TP63: variants seen among roughly 807,000 people sequenced by gnomAD.
TP63 encodes tumor protein p63, also known as tumor protein 63.
A neutral mutation model predicts 82.8 loss-of-function variants in TP63; 17 were observed. The observed-to-expected ratio is 0.21, with a 90% CI of 0.14 to 0.31. The LOEUF (loss-of-function observed/expected upper bound fraction) is 0.31. TP63 is among the 10% of genes least tolerant of loss of function. The pLI, the probability that TP63 is intolerant of heterozygous loss-of-function variation, is 1.00. For missense variants in TP63, 648 were observed against 895.3 expected (o/e 0.72, Z 3.52); for synonymous variants, 330 against 321.7 (o/e 1.03, Z -0.28).
At chr3:189,688,069 G>T (rs1468725516) in intron 1 of TP63, among the ~76,000 whole-genome samples, 2 of 151,856 alleles carry the variant, frequency 1.3e-5, no homozygotes, top group Non-Finnish European at 2.9e-5. Flanking sequence ...GAGAAGTGAA[G>T]CAATGGTTAT....
chr3:189,643,094 C>T (rs1435504346), intron 1 of TP63, among the ~76,000 whole-genome samples: 3 of 152,006 alleles, frequency 2.0e-5, no homozygotes, highest in Non-Finnish European at 2.9e-5. Context: ...TTCTGCCTCC[C>T]GGGTTCAGGC....
At chr3:189,840,040 T>C (rs1410218900) in intron 4 of TP63, among the ~76,000 whole-genome samples, 2 of 152,226 alleles carry the variant, frequency 1.3e-5, no homozygotes, top group Admixed American at 6.5e-5. Flanking sequence ...GATGATCATA[T>C]AAGACATAAA....
intron 7 of TP63, 89 bp from the exon 8 acceptor site, chr3:189,868,491 C>A: frequency 6.4e-7 from 1 of 1,566,724 alleles, no homozygotes; most frequent in Non-Finnish European, 8.7e-7. Context: ...TGGCGATGGC[C>A]CATATGGGAA....
intron 5 of TP63, among the ~76,000 whole-genome samples, chr3:189,865,823 C>G (rs1467974084): frequency 6.6e-6 from 1 of 152,226 alleles, no homozygotes; most frequent in African/African-American, 2.4e-5. Context: ...ATCAGCCTCC[C>G]TAACTTGGTA....
chr3:189,650,373 T>C lies in TP63; in HGVS notation c.62+18796T>C, dbSNP rs1464572798. ...GAATAAGCTTCTGTTGATTGATGAG[T>C]GATATGGTTTGGCTGTGTCCCCCGC... On this transcript the variant is annotated intron_variant, in intron 1 of 13. Transcript: ENST00000264731. 2.0e-5 allele frequency among the ~76,000 whole-genome samples: 3 copies of C among 147,048 alleles called. 1 individual carries two copies. Among genetic ancestry groups the C allele is most frequent in the African/African-American group, 7.6e-5 (3 of 39,260 alleles).
At chr3:189,655,123 T>G (rs2108642818) in intron 1 of TP63, among the ~76,000 whole-genome samples, 1 of 152,324 alleles carries the variant, frequency 6.6e-6, no homozygotes, top group South Asian at 2.1e-4. Flanking sequence ...TTGTTTATTT[T>G]TAGTCTATTG....
At chr3:189,802,663 A>G (rs1022347311) in intron 3 of TP63, among the ~76,000 whole-genome samples, 4 of 152,192 alleles carry the variant, frequency 2.6e-5, no homozygotes, top group Non-Finnish European at 4.4e-5. Context: ...CCATGTAAAG[A>G]AGTTTAAGTT....
At chr3:189,693,035 A>C (rs997832954) in intron 1 of TP63, among the ~76,000 whole-genome samples, 7 of 152,098 alleles carry the variant, frequency 4.6e-5, no homozygotes, top group Non-Finnish European at 7.4e-5. Flanking sequence ...TCAAACAAAA[A>C]TCAGTGTTTT....
intron 3 of TP63, among the ~76,000 whole-genome samples, chr3:189,758,169 G>A (rs1722322224): frequency 6.6e-6 from 1 of 152,132 alleles, no homozygotes; most frequent in Non-Finnish European, 1.5e-5. Context: ...TTCTCATAAG[G>A]AGCACACAAC....
In TP63 at chr3:189,824,634, C is replaced by G. The variant is rs1455540310; in HGVS notation, c.579+16108C>G. 2.0e-5 allele frequency among the ~76,000 whole-genome samples: 3 copies of G among 152,180 alleles called. No homozygotes were observed. In the East Asian group the frequency reaches 5.8e-4, roughly 29 times the overall value. On this transcript the variant is annotated intron_variant, in intron 4 of 13. Coordinates refer to ENST00000264731, the MANE Select transcript of TP63 (RefSeq NM_003722.5). The stretch of plus-strand genomic sequence containing the variant: ...GTGGCTGCTGTCACACGGCACTGCC[C>G]CTTTCCTTATAATACTTGATCACAG...
chr3:189,889,550 C>CTTTTA (rs1720807760), intron 12 of TP63, 66 bp downstream of exon 12: 2 of 1,605,380 alleles, frequency 1.2e-6, no homozygotes, highest in Admixed American at 3.3e-5. Context: ...AGGGCGGATA[C>CTTTTA]TGTTATAGTC....
chr3:189,766,030 A>C, intron 3 of TP63, among the ~76,000 whole-genome samples: 1 of 152,126 alleles, frequency 6.6e-6, no homozygotes, highest in East Asian at 1.9e-4. Context: ...AGCACATCTA[A>C]ATAGGTTTTT....
chr3:189,687,346 G>T (rs1383461426), intron 1 of TP63, among the ~76,000 whole-genome samples: 7 of 152,140 alleles, frequency 4.6e-5, no homozygotes, highest in Non-Finnish European at 7.4e-5. Flanking sequence ...TTTTAGAGAT[G>T]GGAAAACCAA....
chr3:189,604,473 G>A, the TP63 span, among the ~76,000 whole-genome samples: 1 of 152,138 alleles, frequency 6.6e-6, no homozygotes, highest in African/African-American at 2.4e-5. Flanking sequence ...TAGATGTGAG[G>A]CCTGGAAATT....
chr3:189,822,189 T>C lies in TP63; in HGVS notation c.579+13663T>C, dbSNP rs577866769. Among the ~76,000 whole-genome samples, 27 of 152,322 alleles carry C rather than the reference T, an allele frequency of 1.8e-4. No homozygotes were observed. In the East Asian group the frequency reaches 3.7e-3, roughly 21 times the overall value. The stretch of plus-strand genomic sequence containing the variant: ...TATAAAGTGCCTAAAACAATGCCTG[T>C]AAATGGTAATTTCTATTAGGATGGA... On this transcript the variant is annotated intron_variant, in intron 4 of 13. Transcript: ENST00000264731.
At chr3:189,886,341 C>A in intron 10 of TP63, 53 bp from the exon 11 acceptor site, 14 of 1,585,164 alleles carry the variant, frequency 8.8e-6, no homozygotes, top group Non-Finnish European at 1.2e-5. Flanking sequence ...AATCAATAGT[C>A]CCCACTCTTC....
intron 1 of TP63, among the ~76,000 whole-genome samples, chr3:189,694,700 C>T (rs1262842159): frequency 7.0e-6 from 1 of 143,550 alleles, no homozygotes; most frequent in Non-Finnish European, 1.5e-5. Context: ...CTGGCTGAGT[C>T]ATGTTTGTTA....
intron 1 of TP63, among the ~76,000 whole-genome samples, chr3:189,728,167 G>A (rs578156482): frequency 2.8e-4 from 31 of 112,526 alleles, no homozygotes; most frequent in African/African-American, 9.3e-4. Flanking sequence ...TATGAGTTTC[G>A]TTTATAAAAA....
chr3:189,847,416 A>G (rs775922818), intron 4 of TP63, among the ~76,000 whole-genome samples: 41 of 152,310 alleles, frequency 2.7e-4, no homozygotes, highest in East Asian at 1.2e-3. Context: ...AAGTAACACT[A>G]TACATTATCT....
Sources: gnomAD v4.1 joint callset for allele counts (sites outside exome capture counted in the v4.1 genomes callset) on GRCh38, gnomAD v4.1.1 for gene constraint, MANE v1.5 for transcripts, NCBI Gene and HGNC (gene_info 2026-07-23, HGNC 2026-07-21) for gene names.